The following PAICS variants were observed in gnomAD, a reference collection of about 807,000 sequenced individuals.
PAICS encodes bifunctional phosphoribosylaminoimidazole carboxylase/phosphoribosylaminoimidazole succinocarboxamide synthetase.
A neutral mutation model predicts 53.7 loss-of-function variants in PAICS; 33 were observed. That is an observed-to-expected ratio of 0.61 (90% CI 0.47 to 0.82). The LOEUF (loss-of-function observed/expected upper bound fraction) is 0.82, where lower values mean the gene tolerates loss of function less well. Ranked by LOEUF, PAICS falls within the 40% of genes least tolerant of loss-of-function variation. The pLI is 0.00. For missense variants in PAICS, 394 were observed against 494.1 expected, an observed-to-expected ratio of 0.80 and a Z score of 1.92; for synonymous variants, 141 against 167.2, an observed-to-expected ratio of 0.84 and a Z score of 1.21.
rs1358260713 is a variant in PAICS, at chr4:56,463,205, G to T, written c.*3667G>T. 1 of 151,986 alleles carries T rather than the reference G, an allele frequency of 6.6e-6. No individual in the cohort carries two copies. The highest frequency in any genetic ancestry group is 1.5e-5 in the Non-Finnish European group (1 of 68,022). 9.4% of individuals were successfully genotyped at this position (151,986 alleles called of 1,614,324 possible). A position where few individuals can be genotyped will look rare whatever the true frequency, so the allele number is the denominator to read the frequency against. On this transcript the variant is annotated 3_prime_UTR_variant, in exon 9 of 9. Coordinates refer to ENST00000512576, the MANE Select transcript of PAICS (RefSeq NM_001079524.2). ...AGCTTCCCACACCTCAAATACTTGG[G>T]GTGGAATTGTTAATCTCACATTGCA...
At chr4:56,443,619 C>T (rs1718447554) in intron 2 of PAICS, among the ~76,000 whole-genome samples, 1 of 152,194 alleles carries the variant, frequency 6.6e-6, no homozygotes, top group Non-Finnish European at 1.5e-5. Flanking sequence ...GGTAGTTTCA[C>T]ATAGCTACAG....
At chr4:56,415,783 TA>T in the PAICS span, among the ~76,000 whole-genome samples, 1 of 152,124 alleles carries the variant, frequency 6.6e-6, no homozygotes, top group East Asian at 1.9e-4. Flanking sequence ...ACACCACATT[TA>T]AAAATTGTAA....
At chr4:56,458,634 TTGACTC>T (rs1429310752) in intron 8 of PAICS, among the ~76,000 whole-genome samples, 1 of 152,218 alleles carries the variant, frequency 6.6e-6, no homozygotes, top group African/African-American at 2.4e-5. Flanking sequence ...TGATTTGTAT[TTGACTC>T]TGTTCTTGTG....
upstream of PAICS, among the ~76,000 whole-genome samples, chr4:56,431,761 A>G (rs969022685): frequency 6.6e-6 from 1 of 152,208 alleles, no homozygotes; most frequent in Non-Finnish European, 1.5e-5. Context: ...TAGTCTCCAT[A>G]AAATGTGACT....
intron 2 of PAICS, among the ~76,000 whole-genome samples, chr4:56,442,194 TGAA>T (rs1163948880): frequency 1.1e-4 from 17 of 152,324 alleles, no homozygotes; most frequent in African/African-American, 3.8e-4. Flanking sequence ...AGTTCTAACA[TGAA>T]GAACTGAAAT....
upstream of PAICS, among the ~76,000 whole-genome samples, chr4:56,433,471 T>G (rs1578140270): frequency 7.4e-6 from 1 of 134,788 alleles, no homozygotes; most frequent in East Asian, 2.1e-4. Context: ...GTACTAAAAC[T>G]CCAACCAGTG....
At chr4:56,440,072 CCTTATAGCT>C (rs1270014107) in intron 1 of PAICS, among the ~76,000 whole-genome samples, 1 of 152,178 alleles carries the variant, frequency 6.6e-6, no homozygotes, top group Non-Finnish European at 1.5e-5. Context: ...CACTTAAAAG[CCTTATAGCT>C]CTTCTTGGGT....
At chr4:56,447,781 TTAAGAG>T (rs929140179) in intron 3 of PAICS, among the ~76,000 whole-genome samples, 2 of 152,084 alleles carry the variant, frequency 1.3e-5, no homozygotes, top group Non-Finnish European at 2.9e-5. Flanking sequence ...AGTAAACAAA[TTAAGAG>T]TAATAGTTTT....
In PAICS at chr4:56,441,706, A is replaced by G; in HGVS notation, c.60A>G (p.Glu20=). The change falls in exon 2 of 9, where the codon GAA becomes GAG. Residue 20 remains glutamate (E), a synonymous_variant. Transcript: ENST00000512576. ...GKKLYEGKTK[E]VYELLDSPGK... is the part of the protein sequence containing the mutation. ...AATTATATGAGGGTAAAACAAAAGA[A>G]GTCTACGAATTGTTAGACAGTCCAG... The G allele has an allele frequency of 1.9e-6, 3 of 1,598,800 alleles. No individual in the cohort carries two copies. Among genetic ancestry groups the G allele is most frequent in the Non-Finnish European group, 2.6e-6 (3 of 1,172,824 alleles).
chr4:56,434,681 C>T (rs1325719019), upstream of PAICS, among the ~76,000 whole-genome samples: 1 of 152,160 alleles, frequency 6.6e-6, no homozygotes, highest in Non-Finnish European at 1.5e-5. Context: ...TTAGGCAAGA[C>T]GTCTACCAAT....
chr4:56,415,930 C>T, the PAICS span, among the ~76,000 whole-genome samples: 2 of 151,940 alleles, frequency 1.3e-5, no homozygotes, highest in African/African-American at 2.4e-5. Context: ...ATTAGCCGGG[C>T]GTGGTGGCAG....
At chr4:56,416,297 G>A in the PAICS span, 1 of 198,742 alleles carries the variant, frequency 5.0e-6, no homozygotes, top group Non-Finnish European at 9.0e-6. Context: ...TTTAGCTAAA[G>A]CTATTAGAAT....
At chr4:56,422,868 T>TTG in the PAICS span, 9 of 152,226 alleles carry the variant, frequency 5.9e-5, no homozygotes, top group Admixed American at 5.9e-4. Context: ...AGCATCAGCA[T>TTG]TAACTGAGAA....
At chr4:56,418,238 G>C in the PAICS span, among the ~76,000 whole-genome samples, 1 of 152,264 alleles carries the variant, frequency 6.6e-6, no homozygotes, top group East Asian at 1.9e-4. Flanking sequence ...GGGAGGTTCA[G>C]GCTGCAATGA....
chr4:56,431,442 A>G, upstream of PAICS: 3 of 981,044 alleles, frequency 3.1e-6, no homozygotes, highest in Non-Finnish European at 3.6e-6. Flanking sequence ...AAATCTCTTA[A>G]GAAAAGTGCT....
intron 5 of PAICS, among the ~76,000 whole-genome samples, chr4:56,449,725 C>G (rs958310852): frequency 2.0e-5 from 3 of 151,516 alleles, no homozygotes; most frequent in Non-Finnish European, 4.4e-5. Flanking sequence ...CACCTATAAT[C>G]CCAGCACTTT....
Position 56,448,513 on chromosome 4 carries a change from TATC to T in PAICS, c.492_494del (p.Ile164del). On this transcript the variant is annotated inframe_deletion, in exon 4 of 9. Coordinates refer to ENST00000512576, the MANE Select transcript of PAICS (RefSeq NM_001079524.2). ...TTCTTATAGGCCAGACTGAAGTGGA[TATC>T]ATGAGTCATGCTACACAGGCTATAT... The T allele has an allele frequency of 6.2e-7, 1 of 1,612,648 alleles. No homozygotes were observed. Among genetic ancestry groups the T allele is most frequent in the African/African-American group, 1.3e-5 (1 of 74,994 alleles).
the PAICS span, among the ~76,000 whole-genome samples, chr4:56,424,457 A>T: frequency 6.6e-6 from 1 of 152,166 alleles, no homozygotes. Context: ...CCATTCAGGG[A>T]AGAAAAATTT....
intron 2 of PAICS, 118 bp from the exon 3 acceptor site, chr4:56,446,577 A>G (rs1718630705): frequency 3.1e-6 from 2 of 655,128 alleles, no homozygotes; most frequent in South Asian, 4.1e-5. Context: ...GAAAAATTAC[A>G]CTTATTTTTG....
Sources: gnomAD v4.1 joint callset for allele counts (sites outside exome capture counted in the v4.1 genomes callset) on GRCh38, gnomAD v4.1.1 for gene constraint, MANE v1.5 for transcripts, NCBI Gene and HGNC (gene_info 2026-07-23, HGNC 2026-07-21) for gene names.